Variants in TENM4 observed in about 807,000 individuals in gnomAD.
TENM4 encodes teneurin-4.
In TENM4, 82 loss-of-function variants were observed where a neutral mutation model predicts 243.3. That is an observed-to-expected ratio of 0.34 (90% confidence interval 0.28 to 0.40). The LOEUF (loss-of-function observed/expected upper bound fraction) is 0.40, where lower values mean the gene tolerates loss of function less well. TENM4 is among the 10% of genes least tolerant of loss of function. TENM4 has a pLI of 1.00. For missense variants in TENM4, 3,138 were observed against 3,673.3 expected (o/e 0.85, Z 3.77); for synonymous variants, 1,412 against 1,456.3 (o/e 0.97, Z 0.69).
chr11:79,175,452 C>T (rs1863142080), intron 3 of TENM4, among the ~76,000 whole-genome samples: 1 of 152,120 alleles, frequency 6.6e-6, no homozygotes, highest in Admixed American at 6.5e-5. Context: ...AAATGTCTAA[C>T]AGCTAGAGAA....
intron 3 of TENM4, among the ~76,000 whole-genome samples, chr11:79,178,860 C>T (rs1179978870): frequency 1.3e-5 from 2 of 152,180 alleles, no homozygotes; most frequent in Non-Finnish European, 1.5e-5. Context: ...TTTATTTTTC[C>T]CTGTTCATAG....
rs114851236 is a variant in TENM4, at chr11:79,349,840, G to A, written c.-320-52297C>T. ...TTTATAGATACAGAAACACAGTCCAGACTCACAAAGCAGTTAGATAGTAGG... is the reference window on the plus strand; with the variant it reads ...TTTATAGATACAGAAACACAGTCCAAACTCACAAAGCAGTTAGATAGTAGG... On this transcript the variant is annotated intron_variant, in intron 1 of 33. Coordinates refer to ENST00000278550, the MANE Select transcript of TENM4 (RefSeq NM_001098816.3). Among the ~76,000 whole-genome samples, 226 of 152,298 alleles carry A rather than the reference G, an allele frequency of 1.5e-3. 1 individual carries two copies. The highest frequency in any genetic ancestry group is 5.0e-3 in the African/African-American group (209 of 41,568).
intron 2 of TENM4, among the ~76,000 whole-genome samples, chr11:79,273,875 C>T (rs1856009674): frequency 6.6e-6 from 1 of 152,156 alleles, no homozygotes; most frequent in Non-Finnish European, 1.5e-5. Flanking sequence ...TTAAGGAGAC[C>T]CCTGCAAAGA....
At chr11:78,730,305 C>A (rs1483194406) in intron 21 of TENM4, among the ~76,000 whole-genome samples, 1 of 152,216 alleles carries the variant, frequency 6.6e-6, no homozygotes, top group Non-Finnish European at 1.5e-5. Context: ...TCAAAACTTT[C>A]CTCAAATGAG....
intron 29 of TENM4, among the ~76,000 whole-genome samples, chr11:78,684,499 C>T (rs914443938): frequency 6.6e-6 from 1 of 152,176 alleles, no homozygotes; most frequent in Non-Finnish European, 1.5e-5. Flanking sequence ...TCTCCTCTAT[C>T]TCCACCATCC....
Position 79,159,080 on chromosome 11 carries a change from C to T in TENM4, c.-162-10274G>A, listed in dbSNP as rs568655470. 1.6e-4 allele frequency among the ~76,000 whole-genome samples: 24 copies of T among 152,316 alleles called. 1 individual carries two copies. The highest frequency in any genetic ancestry group is 5.8e-4 in the African/African-American group (24 of 41,564). On this transcript the variant is annotated intron_variant, in intron 3 of 33. Transcript: ENST00000278550. ...CCAAGAAACAATGAGCCCCTCTGTACTGTTCCTCTTCTGTGGTGGTGACCC... is the reference window on the plus strand; with the variant it reads ...CCAAGAAACAATGAGCCCCTCTGTATTGTTCCTCTTCTGTGGTGGTGACCC...
Position 78,709,133 on chromosome 11 carries a change from A to ATT in TENM4, c.4055-619_4055-618insAA, listed in dbSNP as rs1464547425. ...CAGGCATGCGCCACCATGCCTGGCT[A>ATT]ATTTTTTTTTTTTTTTTTTTAGTAG... On this transcript the variant is annotated intron_variant, in intron 26 of 33. Transcript: ENST00000278550. Among the ~76,000 whole-genome samples the ATT allele has an allele frequency of 2.8e-5, 3 of 108,224 alleles. 1 individual carries two copies. The highest frequency in any genetic ancestry group is 1.4e-4 in the African/African-American group (3 of 21,842). The allele number at this position is 108,224 out of a possible 152,430, so 71.0% of individuals were successfully genotyped here. A position where few individuals can be genotyped will look rare whatever the true frequency, so the allele number is the denominator to read the frequency against.
chr11:78,717,730 T>C (rs1027436085), intron 25 of TENM4, among the ~76,000 whole-genome samples: 3 of 152,252 alleles, frequency 2.0e-5, no homozygotes, highest in Non-Finnish European at 4.4e-5. Context: ...ACACTAAGTA[T>C]GTCAGACTTT....
intron 15 of TENM4, among the ~76,000 whole-genome samples, chr11:78,792,930 A>T (rs1006449943): frequency 1.3e-5 from 2 of 152,110 alleles, no homozygotes; most frequent in East Asian, 3.9e-4. Context: ...TCTTTCTATG[A>T]TGTGGAAGGG....
At chr11:79,417,891 G>C (rs1269695478) in intron 1 of TENM4, among the ~76,000 whole-genome samples, 2 of 152,140 alleles carry the variant, frequency 1.3e-5, no homozygotes, top group Non-Finnish European at 2.9e-5. Flanking sequence ...TCAGAGCCCA[G>C]TAATAAGAAG....
At chr11:78,972,468 A>T (rs1449041423) in intron 6 of TENM4, among the ~76,000 whole-genome samples, 1 of 152,126 alleles carries the variant, frequency 6.6e-6, no homozygotes, top group Non-Finnish European at 1.5e-5. Context: ...CGGGGACTTT[A>T]AAAAAATTTT....
intron 6 of TENM4, among the ~76,000 whole-genome samples, chr11:79,001,095 T>C (rs1393685011): frequency 6.6e-6 from 1 of 152,158 alleles, no homozygotes; most frequent in Non-Finnish European, 1.5e-5. Context: ...ATGGCCTAAA[T>C]GACCCAATCA....
intron 6 of TENM4, among the ~76,000 whole-genome samples, chr11:78,923,786 C>G (rs1421862359): frequency 7.0e-6 from 1 of 142,826 alleles, no homozygotes; most frequent in Non-Finnish European, 1.5e-5. Context: ...GTGATCTGCC[C>G]ACCTCAGCCT....
In TENM4 at chr11:78,814,390, C is replaced by T. The variant is rs562273134; in HGVS notation, c.1687G>A (p.Val563Met). 1 of 1,549,196 alleles carries T rather than the reference C, an allele frequency of 6.5e-7. No individual in the cohort carries two copies. The highest frequency in any genetic ancestry group is 1.4e-5 in the African/African-American group (1 of 72,798). The change falls in exon 13 of 34, where the codon GTG (valine) becomes ATG (methionine). Residue 563 changes from valine (V) to methionine (M), a missense_variant. Coordinates refer to ENST00000278550, the MANE Select transcript of TENM4 (RefSeq NM_001098816.3). ...VSFLTTAIES[V>M]DNCPSNCYGN... ...TAGCAGTTGCTGGGGCAGTTATCCACCGACTCTGGGGAGAGAAAGGAGAAG... is the reference window on the plus strand; with the variant it reads ...TAGCAGTTGCTGGGGCAGTTATCCATCGACTCTGGGGAGAGAAAGGAGAAG...
chr11:78,940,797 G>T (rs1006812566), intron 6 of TENM4, among the ~76,000 whole-genome samples: 2 of 152,204 alleles, frequency 1.3e-5, no homozygotes, highest in Non-Finnish European at 2.9e-5. Flanking sequence ...CCTGGATTGT[G>T]TTTCCAGGGC....
intron 6 of TENM4, among the ~76,000 whole-genome samples, chr11:78,931,283 A>T (rs1289028892): frequency 6.6e-6 from 1 of 152,166 alleles, no homozygotes; most frequent in Non-Finnish European, 1.5e-5. Flanking sequence ...TTTAAAAGAC[A>T]TGCTACGTCT....
At chr11:79,371,810 A>G (rs1249432381) in intron 1 of TENM4, among the ~76,000 whole-genome samples, 1 of 152,158 alleles carries the variant, frequency 6.6e-6, no homozygotes, top group African/African-American at 2.4e-5. Context: ...GATCACCTAC[A>G]TCACCAGCCC....
At chr11:79,251,804 G>A (rs77741964) in intron 2 of TENM4, among the ~76,000 whole-genome samples, 4,674 of 138,696 alleles carry the variant, frequency 0.034, 204 homozygotes, top group East Asian at 0.12. Flanking sequence ...AATAAAACTC[G>A]AAAAAATGAA....
At chr11:79,274,220 G>A (rs1254732569) in intron 2 of TENM4, among the ~76,000 whole-genome samples, 2 of 152,250 alleles carry the variant, frequency 1.3e-5, no homozygotes, top group Non-Finnish European at 2.9e-5. Flanking sequence ...AGGGACTAAG[G>A]ACAGAAGGCA....
Sources: allele counts gnomAD v4.1 joint callset (sites outside exome capture counted in the v4.1 genomes callset), GRCh38; gene constraint gnomAD v4.1.1; transcripts MANE v1.5; gene names NCBI Gene and HGNC (gene_info 2026-07-23, HGNC 2026-07-21).